The following ESRRB variants were observed in gnomAD, a reference collection of about 807,000 sequenced individuals.
ESRRB encodes estrogen related receptor beta, also known as steroid hormone receptor ERR2.
A neutral mutation model predicts 46.0 loss-of-function variants in ESRRB; 16 were observed. The observed-to-expected ratio is 0.35, with a 90% CI of 0.24 to 0.53. ESRRB has a LOEUF of 0.53. Ranked by LOEUF, ESRRB falls within the 20% of genes least tolerant of loss-of-function variation. The pLI, the probability that ESRRB is intolerant of heterozygous loss-of-function variation, is 0.93. For synonymous variants in ESRRB, 246 were observed against 259.6 expected (o/e 0.95, Z 0.50); for missense variants, 488 against 607.4 (o/e 0.80, Z 2.07).
Position 76,491,535 on chromosome 14 carries a change from G to A in ESRRB, c.939G>A (p.Ser313=), listed in dbSNP as rs756555664. 1.1e-5 allele frequency: 17 copies of A among 1,597,844 alleles called. No homozygotes were observed. The highest frequency in any genetic ancestry group is 7.9e-5 in the South Asian group (7 of 88,430). The change falls in exon 6 of 7, where the codon TCG becomes TCA. Residue 313 remains serine, a synonymous_variant. Transcript: ENST00000644823. ...TCATCCTGGGCATCGTGTACCGCTC[G>A]CTGCCCTATGACGACAAGCTGGTGT... ...EILILGIVYR[S]LPYDDKLVYA...
upstream of ESRRB, among the ~76,000 whole-genome samples, chr14:76,375,713 T>C (rs928771683): frequency 2.0e-5 from 3 of 152,218 alleles, no homozygotes; most frequent in African/African-American, 7.2e-5. Context: ...CTCTTCTCTT[T>C]GGTGCGTGGG....
At chr14:76,334,985 G>A (rs1020339927) in intron 1 of ESRRB, among the ~76,000 whole-genome samples, 4 of 152,154 alleles carry the variant, frequency 2.6e-5, no homozygotes, top group African/African-American at 9.7e-5. Context: ...ACTCTATCAG[G>A]CATGTGGGTG....
chr14:76,316,440 G>A (rs181324585), intron 1 of ESRRB, among the ~76,000 whole-genome samples: 3 of 150,476 alleles, frequency 2.0e-5, no homozygotes, highest in Admixed American at 6.7e-5. Context: ...AGTAGTCATA[G>A]TAGTAGTACA....
intron 3 of ESRRB, chr14:76,463,438 CTTCT>C (rs932327746): frequency 8.1e-5 from 10 of 123,338 alleles, no homozygotes; most frequent in Non-Finnish European, 1.4e-4. Flanking sequence ...GCATCACATG[CTTCT>C]TTGTTTTTTT....
rs190020137 is a variant in ESRRB at position 76,448,539 on chromosome 14, T to C, written c.460+8789T>C. ...TTAGTAGAGACGGGGTTTCACCATG[T>C]TGGCCAGACTGCTCTCGAACTCCTG... On this transcript the variant is annotated intron_variant, in intron 2 of 6. Coordinates refer to ENST00000644823, the MANE Select transcript of ESRRB (RefSeq NM_001379180.1). Among the ~76,000 whole-genome samples the C allele has an allele frequency of 2.4e-4, 37 of 151,760 alleles. 1 individual carries two copies. The East Asian group carries it at 7.0e-3, about 29-fold the overall frequency.
At chr14:76,457,956 TGA>T (rs1464056382) in intron 2 of ESRRB, among the ~76,000 whole-genome samples, 5 of 152,192 alleles carry the variant, frequency 3.3e-5, no homozygotes, top group Admixed American at 2.0e-4. Context: ...ATTAGAAGTG[TGA>T]GCCACTGCGC....
chr14:76,488,617 G>C (rs1289361643), intron 5 of ESRRB, among the ~76,000 whole-genome samples: 1 of 152,210 alleles, frequency 6.6e-6, no homozygotes, highest in Non-Finnish European at 1.5e-5. Context: ...TTGTCGGGCA[G>C]CTTCTTTGCT....
intron 1 of ESRRB, among the ~76,000 whole-genome samples, chr14:76,379,873 A>AC (rs1156576394): frequency 2.6e-5 from 4 of 151,796 alleles, no homozygotes; most frequent in Non-Finnish European, 4.4e-5. Context: ...AAAAAAAAAA[A>AC]AAAAGCACAG....
At chr14:76,461,601 C>T (rs56738591) in intron 2 of ESRRB, among the ~76,000 whole-genome samples, 48,152 of 151,866 alleles carry the variant, frequency 0.32, 8,696 homozygotes, top group African/African-American at 0.5. Context: ...CTCTACCTCC[C>T]GGGTTCAAGC....
At chr14:76,406,530 G>A (rs867869113) in intron 1 of ESRRB, among the ~76,000 whole-genome samples, 6 of 152,256 alleles carry the variant, frequency 3.9e-5, no homozygotes, top group Middle Eastern at 6.8e-3. Context: ...TGGATCACGA[G>A]GTCAGGAGTT....
intron 1 of ESRRB, among the ~76,000 whole-genome samples, chr14:76,426,241 G>C (rs1774017916): frequency 6.6e-6 from 1 of 152,176 alleles, no homozygotes; most frequent in African/African-American, 2.4e-5. Context: ...GAGAGGAATA[G>C]GAGACAGGAG....
At chr14:76,381,804 A>G (rs568116494) in intron 1 of ESRRB, among the ~76,000 whole-genome samples, 23 of 152,310 alleles carry the variant, frequency 1.5e-4, no homozygotes, top group Non-Finnish European at 2.2e-4. Flanking sequence ...GAGCCTGGTC[A>G]TAGGAGAGCA....
chr14:76,414,898 C>T (rs1336848778), intron 1 of ESRRB, among the ~76,000 whole-genome samples: 1 of 152,110 alleles, frequency 6.6e-6, no homozygotes, highest in African/African-American at 2.4e-5. Flanking sequence ...AGTCCCCGGC[C>T]CTCTCAGGGC....
Position 76,500,035 on chromosome 14 carries a change from T to G in ESRRB, c.*1577T>G. ...CCCCTCAATGAGAGAGGCAGGCAGA[T>G]CTCACCCAGCACTAGGACACCAGGA... On this transcript the variant is annotated 3_prime_UTR_variant, in exon 7 of 7. Coordinates refer to ENST00000644823, the MANE Select transcript of ESRRB (RefSeq NM_001379180.1). The G allele has an allele frequency of 1.3e-6, 2 of 1,555,438 alleles. No individual in the cohort carries two copies. The highest frequency in any genetic ancestry group is 4.9e-5 in the East Asian group (2 of 41,214).
chr14:76,323,533 C>T (rs1424202119), intron 1 of ESRRB, among the ~76,000 whole-genome samples: 1 of 152,074 alleles, frequency 6.6e-6, no homozygotes, highest in Non-Finnish European at 1.5e-5. Context: ...TTGTCTTGAA[C>T]TCCTGGGCTC....
In ESRRB at chr14:76,328,768, C is replaced by T. The variant is rs149757496; in HGVS notation, c.2+17852C>T. Among the ~76,000 whole-genome samples the T allele has an allele frequency of 4.6e-5, 7 of 152,270 alleles. No individual in the cohort carries two copies. The East Asian group carries it at 1.2e-3, about 25-fold the overall frequency. ...ATGCCTCCTCTTGCAGACATCATCT[C>T]CCCTGCTCTGGTCCACGCATGCACT... On this transcript the variant is annotated intron_variant, in intron 1 of 6. Transcript: ENST00000512784.
intron 1 of ESRRB, among the ~76,000 whole-genome samples, chr14:76,329,762 G>A (rs193268726): frequency 1.3e-5 from 2 of 152,088 alleles, no homozygotes; most frequent in African/African-American, 2.4e-5. Flanking sequence ...CTGCCAGCCC[G>A]GGTCCCAGCA....
At chr14:76,448,362 CTT>C (rs1278382010) in intron 2 of ESRRB, among the ~76,000 whole-genome samples, 2 of 145,966 alleles carry the variant, frequency 1.4e-5, no homozygotes, top group Non-Finnish European at 3.0e-5. Flanking sequence ...GAGTCTCCCT[CTT>C]GTTGCCCAGG....
intron 1 of ESRRB, among the ~76,000 whole-genome samples, chr14:76,337,046 A>G (rs10444738): frequency 6.6e-6 from 1 of 152,076 alleles, no homozygotes; most frequent in Admixed American, 6.5e-5. Context: ...CAGAGGGTAC[A>G]TGTAGCAAGT....
Sources: gnomAD v4.1 joint callset for allele counts (sites outside exome capture counted in the v4.1 genomes callset) on GRCh38, gnomAD v4.1.1 for gene constraint, MANE v1.5 for transcripts, NCBI Gene and HGNC (gene_info 2026-07-23, HGNC 2026-07-21) for gene names.